Variants in SGCD observed in about 807,000 individuals in gnomAD.
SGCD encodes the protein sarcoglycan delta.
In SGCD, 18 loss-of-function variants were observed where a neutral mutation model predicts 36.6. The observed-to-expected ratio is 0.49, with a 90% CI of 0.34 to 0.73. SGCD has a LOEUF of 0.73. SGCD is among the 30% of genes least tolerant of loss of function. The pLI is 0.01. For synonymous variants in SGCD, 133 were observed against 130.6 expected (o/e 1.02, Z -0.12); for missense variants, 387 against 346.7 (o/e 1.12, Z -0.92).
chr5:156,305,847 A>G (rs1248276769), intron 3 of SGCD, among the ~76,000 whole-genome samples: 1 of 152,032 alleles, frequency 6.6e-6, no homozygotes, highest in African/African-American at 2.4e-5. Flanking sequence ...GAGTCAAAGG[A>G]GAGAGATTAT....
At chr5:155,915,461 A>C (rs1013614368) in intron 1 of SGCD, among the ~76,000 whole-genome samples, 1 of 152,188 alleles carries the variant, frequency 6.6e-6, no homozygotes, top group African/African-American at 2.4e-5. Flanking sequence ...AATAGTAGAC[A>C]TAGGGCCTAG....
intron 3 of SGCD, among the ~76,000 whole-genome samples, chr5:156,232,032 A>G (rs778507430): frequency 2.6e-5 from 4 of 152,294 alleles, no homozygotes; most frequent in Non-Finnish European, 4.4e-5. Context: ...GGACTGAAAA[A>G]ATAGTTCCTC....
upstream of SGCD, among the ~76,000 whole-genome samples, chr5:156,323,811 G>A (rs1336385504): frequency 1.3e-5 from 2 of 152,168 alleles, no homozygotes; most frequent in Non-Finnish European, 2.9e-5. Context: ...AGGGGATTCA[G>A]GAATCTAATG....
chr5:156,644,594 G>A (rs1763160290), intron 6 of SGCD, among the ~76,000 whole-genome samples: 1 of 150,136 alleles, frequency 6.7e-6, no homozygotes, highest in Non-Finnish European at 1.5e-5. Flanking sequence ...TCCTTTCATA[G>A]TACAGGATTA....
intron 3 of SGCD, among the ~76,000 whole-genome samples, chr5:156,171,309 A>T (rs907608628): frequency 2.8e-4 from 43 of 152,304 alleles, no homozygotes; most frequent in Non-Finnish European, 8.8e-5. Flanking sequence ...TCACTAAGGG[A>T]TAAAGTGGAT....
chr5:156,308,456 G>A (rs981331195), intron 3 of SGCD, among the ~76,000 whole-genome samples: 37 of 152,124 alleles, frequency 2.4e-4, no homozygotes, highest in Non-Finnish European at 8.8e-5. Context: ...CTGCCACTAC[G>A]CCTGGCTAAT....
chr5:156,372,501 A>G (rs1227592030), intron 3 of SGCD, among the ~76,000 whole-genome samples: 1 of 152,100 alleles, frequency 6.6e-6, no homozygotes. Context: ...TTGGGCTTAG[A>G]TTTCACCTCA....
intron 6 of SGCD, among the ~76,000 whole-genome samples, chr5:156,613,531 G>T (rs115682616): frequency 0.013 from 2,004 of 152,308 alleles, 43 homozygotes; most frequent in African/African-American, 0.046. Context: ...TAAAGGCCAG[G>T]TTGACTTTCC....
intron 3 of SGCD, among the ~76,000 whole-genome samples, chr5:156,373,794 A>G (rs1350609241): frequency 6.6e-6 from 1 of 152,222 alleles, no homozygotes; most frequent in Non-Finnish European, 1.5e-5. Flanking sequence ...TTGCTAGCTC[A>G]GGCCAAGAGG....
chr5:155,919,198 G>A (rs1268915647), intron 1 of SGCD, among the ~76,000 whole-genome samples: 1 of 152,188 alleles, frequency 6.6e-6, no homozygotes, highest in Non-Finnish European at 1.5e-5. Flanking sequence ...TATCATCTAT[G>A]CCAATCTTTT....
chr5:155,954,823 T>C (rs1757617939), intron 1 of SGCD, among the ~76,000 whole-genome samples: 1 of 152,134 alleles, frequency 6.6e-6, no homozygotes, highest in Admixed American at 6.5e-5. Flanking sequence ...CAGTGACAGA[T>C]TCCAAGATCT....
intron 7 of SGCD, among the ~76,000 whole-genome samples, chr5:156,711,201 G>C (rs1218800880): frequency 6.6e-6 from 1 of 152,104 alleles, no homozygotes; most frequent in African/African-American, 2.4e-5. Context: ...GGTCAAGAGG[G>C]GGGGTCCATT....
chr5:156,323,089 A>G (rs577466496), upstream of SGCD, among the ~76,000 whole-genome samples: 10 of 152,300 alleles, frequency 6.6e-5, no homozygotes, highest in East Asian at 1.9e-3. Flanking sequence ...AACATCATCG[A>G]CATAAATGTT....
At chr5:155,977,196 C>T (rs1056984181) in intron 1 of SGCD, among the ~76,000 whole-genome samples, 1 of 152,140 alleles carries the variant, frequency 6.6e-6, no homozygotes, top group African/African-American at 2.4e-5. Flanking sequence ...GATCTCATGC[C>T]CTTACCCTTG....
chr5:155,943,276 CA>C lies in SGCD; in HGVS notation c.-282+72854del. On this transcript the variant is annotated intron_variant, in intron 1 of 9. Transcript: ENST00000517913. ...ACAAAAGTGTTTGACACATAGTCCC[CA>C]ATAACATTTTTGTTACAATCACTGT... Among the ~76,000 whole-genome samples, 4 of 152,234 alleles carry C rather than the reference CA, an allele frequency of 2.6e-5. No individual in the cohort carries two copies. In the East Asian group the frequency reaches 5.8e-4, roughly 22 times the overall value.
chr5:156,691,180 C>G lies in SGCD; in HGVS notation c.575+43644C>G, dbSNP rs1487082821. Among the ~76,000 whole-genome samples, 5 of 115,248 alleles carry G rather than the reference C, an allele frequency of 4.3e-5. No individual in the cohort carries two copies. The East Asian group carries it at 1.1e-3, about 25-fold the overall frequency. 75.6% of individuals were successfully genotyped at this position (115,248 alleles called of 152,430 possible). On this transcript the variant is annotated intron_variant, in intron 7 of 8. Coordinates refer to ENST00000337851, the MANE Select transcript of SGCD (RefSeq NM_000337.6). ...CGAGATTGTGCCACTGCACTCCAGT[C>G]TGGGCAACAGAGCGAGACTCTGTCT... is the stretch of plus-strand genomic sequence containing the variant.
At chr5:156,239,554 TA>T (rs1440536834) in intron 3 of SGCD, among the ~76,000 whole-genome samples, 2 of 152,162 alleles carry the variant, frequency 1.3e-5, no homozygotes, top group Admixed American at 1.3e-4. Context: ...TTTGAGAAGA[TA>T]AATATGAAAA....
intron 7 of SGCD, among the ~76,000 whole-genome samples, chr5:156,751,185 G>GA (rs1757137541): frequency 6.6e-6 from 1 of 152,016 alleles, no homozygotes; most frequent in Admixed American, 6.6e-5. Flanking sequence ...TAATAGACTA[G>GA]AAAACCCCAA....
intron 1 of SGCD, among the ~76,000 whole-genome samples, chr5:155,991,614 CTT>C (rs1758433553): frequency 6.6e-6 from 1 of 152,124 alleles, no homozygotes; most frequent in African/African-American, 2.4e-5. Flanking sequence ...GAAAGAAACT[CTT>C]TTGAATAAAG....
Sources: allele counts gnomAD v4.1 joint callset (sites outside exome capture counted in the v4.1 genomes callset), GRCh38; gene constraint gnomAD v4.1.1; transcripts MANE v1.5; gene names NCBI Gene and HGNC (gene_info 2026-07-23, HGNC 2026-07-21).